Variants in RARB observed in about 807,000 individuals in gnomAD.
RARB encodes the protein HBV-activated protein.
A neutral mutation model predicts 51.9 loss-of-function variants in RARB; 17 were observed. The ratio of observed to expected loss-of-function variants is 0.33; its 90% CI spans 0.22 to 0.49. The LOEUF (loss-of-function observed/expected upper bound fraction) is 0.49. Among genes scored for constraint, RARB ranks in the 20% least tolerant of loss-of-function variants. RARB has a pLI of 0.99. For missense variants in RARB, 369 were observed against 550.8 expected, an observed-to-expected ratio of 0.67 and a Z score of 3.30; for synonymous variants, 215 against 195.4, an observed-to-expected ratio of 1.10 and a Z score of -0.84.
intron 3 of RARB, among the ~76,000 whole-genome samples, chr3:25,545,700 A>G (rs1467189105): frequency 6.6e-6 from 1 of 152,104 alleles, no homozygotes; most frequent in African/African-American, 2.4e-5. Context: ...CCCACAGACC[A>G]AGGGCTGCAC....
In RARB at chr3:24,872,995, T is replaced by A. The variant is rs903314019; in HGVS notation, c.-380+14243T>A. 2.6e-5 allele frequency among the ~76,000 whole-genome samples: 4 copies of A among 152,348 alleles called. No individual in the cohort carries two copies. The East Asian group carries it at 7.7e-4, about 29-fold the overall frequency. ...AGGCCAAACAGAATTTTCAGCTTTG[T>A]GGACCATACATCCTCTTTTACAGCT... On this transcript the variant is annotated intron_variant, in intron 2 of 11. Coordinates refer to the RARB transcript ENST00000383772.
chr3:24,879,484 A>ATTTTT lies in RARB; in HGVS notation c.-380+20747_-380+20751dup, dbSNP rs11417502. On this transcript the variant is annotated intron_variant, in intron 2 of 11. Coordinates refer to the RARB transcript ENST00000383772. Reference sequence around the variant, plus strand: ...TTGAGTTCCAGCAGAAAGGATCTCCATTTTTTTTTTTTTTTTTTTCTTAAC... The same window carrying ATTTTT: ...TTGAGTTCCAGCAGAAAGGATCTCCATTTTTTTTTTTTTTTTTTTTTTTTCTTAAC... Among the ~76,000 whole-genome samples the ATTTTT allele has an allele frequency of 1.7e-3, 206 of 121,458 alleles. 5 individuals are homozygous for ATTTTT. The East Asian group carries it at 0.024, about 14-fold the overall frequency. The allele number at this position is 121,458 out of a possible 152,430, so 79.7% of individuals were successfully genotyped here.
chr3:25,421,403 CTTTTTTTTT>C (rs766378555), intron 5 of RARB, among the ~76,000 whole-genome samples: 15 of 72,374 alleles, frequency 2.1e-4, no homozygotes, highest in South Asian at 4.5e-4. Flanking sequence ...TTCTTCTTTT[CTTTTTTTTT>C]TTTTTTTTTT....
chr3:24,878,062 A>C (rs17015372), intron 2 of RARB, among the ~76,000 whole-genome samples: 28,291 of 152,088 alleles, frequency 0.19, 3,381 homozygotes, highest in African/African-American at 0.33. Flanking sequence ...ACAGTAAAGA[A>C]AGGCACAAAG....
At position 24,976,521 on chromosome 3, in the gene RARB, C is replaced by T. The variant is rs370108912; in HGVS notation, c.-379-83604C>T. 4.2e-4 allele frequency among the ~76,000 whole-genome samples: 64 copies of T among 152,212 alleles called. 1 individual carries two copies. In the South Asian group the frequency reaches 4.8e-3, roughly 11 times the overall value. ...TGATTTGCATTTCTCTGATGACCAG[C>T]GATGATGAGCATTTTTTCATGTGTC... is the stretch of plus-strand genomic sequence containing the variant. On this transcript the variant is annotated intron_variant, in intron 2 of 11. Transcript: ENST00000383772.
At chr3:25,283,219 C>T (rs1703567175) in intron 5 of RARB, among the ~76,000 whole-genome samples, 1 of 152,140 alleles carries the variant, frequency 6.6e-6, no homozygotes, top group Admixed American at 6.5e-5. Flanking sequence ...CCTTGGGAAG[C>T]TCTGTCCTCT....
At chr3:25,024,825 C>T (rs1436766717) in intron 2 of RARB, among the ~76,000 whole-genome samples, 28 of 151,764 alleles carry the variant, frequency 1.8e-4, no homozygotes, top group Admixed American at 1.8e-3. Flanking sequence ...TGGTGACACA[C>T]GGCAGTAGTC....
chr3:25,029,633 C>A (rs567208065), intron 2 of RARB, among the ~76,000 whole-genome samples: 2 of 152,282 alleles, frequency 1.3e-5, no homozygotes, highest in African/African-American at 4.8e-5. Flanking sequence ...CTATTTCTCA[C>A]CCACTTCATT....
At chr3:24,866,189 C>G (rs1002667614) in intron 2 of RARB, among the ~76,000 whole-genome samples, 10 of 152,066 alleles carry the variant, frequency 6.6e-5, no homozygotes, top group African/African-American at 2.4e-4. Context: ...TCATCTCTTA[C>G]CATTCTCTTA....
At chr3:25,435,343 A>G (rs919315540) in intron 1 of RARB, among the ~76,000 whole-genome samples, 2 of 151,264 alleles carry the variant, frequency 1.3e-5, no homozygotes, top group Non-Finnish European at 2.9e-5. Context: ...TCTGGATCAC[A>G]TCCCAATTTT....
intron 3 of RARB, among the ~76,000 whole-genome samples, chr3:25,068,623 A>G (rs903036291): frequency 3.9e-5 from 6 of 152,252 alleles, no homozygotes; most frequent in African/African-American, 1.4e-4. Context: ...GTCCATGATG[A>G]TATTTTAATC....
chr3:25,147,752 C>T (rs182318576), intron 4 of RARB, among the ~76,000 whole-genome samples: 1 of 152,346 alleles, frequency 6.6e-6, no homozygotes, highest in East Asian at 1.9e-4. Context: ...AAGCTACTCA[C>T]TGTTGCAGTT....
intron 3 of RARB, among the ~76,000 whole-genome samples, chr3:25,093,817 G>A (rs893883738): frequency 2.0e-5 from 3 of 152,054 alleles, no homozygotes; most frequent in African/African-American, 7.2e-5. Context: ...ACACCCCTAT[G>A]ATTGCACACC....
At chr3:25,422,230 A>C (rs1707881926) in intron 5 of RARB, among the ~76,000 whole-genome samples, 2 of 152,244 alleles carry the variant, frequency 1.3e-5, no homozygotes, top group Non-Finnish European at 2.9e-5. Flanking sequence ...TAATAATATT[A>C]ACACGAAATA....
In RARB at chr3:25,543,553, C is replaced by T. The variant is rs567220203; in HGVS notation, c.449-26205C>T. Among the ~76,000 whole-genome samples the T allele has an allele frequency of 4.6e-5, 7 of 152,248 alleles. No homozygotes were observed. The South Asian group carries it at 1.5e-3, about 32-fold the overall frequency. On this transcript the variant is annotated intron_variant, in intron 3 of 7. Coordinates refer to ENST00000330688, the MANE Select transcript of RARB (RefSeq NM_000965.5). ...TCTGGGTGGTTGGCCAAGGGGGTCACAGTTGTCCTATAATCAGATTATGTT... is the reference window on the plus strand; with the variant it reads ...TCTGGGTGGTTGGCCAAGGGGGTCATAGTTGTCCTATAATCAGATTATGTT...
intron 3 of RARB, among the ~76,000 whole-genome samples, chr3:25,128,405 ATAAT>A (rs1389654956): frequency 6.7e-6 from 1 of 149,298 alleles, no homozygotes; most frequent in African/African-American, 2.4e-5. Context: ...ATAATTTCAA[ATAAT>A]TATACAAAAT....
chr3:24,988,006 A>T (rs2125432363), intron 2 of RARB, among the ~76,000 whole-genome samples: 1 of 152,252 alleles, frequency 6.6e-6, no homozygotes, highest in South Asian at 2.1e-4. Flanking sequence ...TTGTAATTAG[A>T]ACATTTTACA....
chr3:24,968,876 T>C (rs866057900), intron 2 of RARB, among the ~76,000 whole-genome samples: 1 of 152,170 alleles, frequency 6.6e-6, no homozygotes, highest in Non-Finnish European at 1.5e-5. Flanking sequence ...AGGTCATTAC[T>C]CTGTCTACCA....
intron 2 of RARB, among the ~76,000 whole-genome samples, chr3:24,985,472 C>G (rs1266028036): frequency 6.6e-6 from 1 of 151,508 alleles, no homozygotes; most frequent in Non-Finnish European, 1.5e-5. Context: ...ATCTTTGCTA[C>G]AGTATTTAGT....
Sources: allele counts gnomAD v4.1 joint callset (sites outside exome capture counted in the v4.1 genomes callset), GRCh38; gene constraint gnomAD v4.1.1; transcripts MANE v1.5; gene names NCBI Gene and HGNC (gene_info 2026-07-23, HGNC 2026-07-21).